Variants in FN3KRP observed in about 807,000 individuals in gnomAD.
FN3KRP encodes fructosamine 3 kinase related protein.
FN3KRP carries 33 observed loss-of-function variants against 29.8 expected under a neutral mutation model. The ratio of observed to expected loss-of-function variants is 1.11; its 90% CI spans 0.84 to 1.48. The LOEUF is 1.48. FN3KRP is among the 40% of genes most tolerant of loss of function. The probability of loss-of-function intolerance (pLI) is 0.00; values close to 1 mark genes in which losing one functional copy is unlikely to be tolerated. For synonymous variants in FN3KRP, 157 were observed against 155.2 expected (o/e 1.01, Z -0.09); for missense variants, 430 against 402.6 (o/e 1.07, Z -0.58).
rs765267436 is a variant in FN3KRP at position 82,723,618 on chromosome 17, CAT to C, written c.468+735_468+736del. 1.6e-3 allele frequency among the ~76,000 whole-genome samples: 243 copies of C among 151,958 alleles called. 1 individual carries two copies. The highest frequency in any genetic ancestry group is 0.01 in the Middle Eastern group (3 of 294). On this transcript the variant is annotated intron_variant, in intron 4 of 5. Transcript: ENST00000269373. ...GCATGTGTATGTGCACGCATGTGTGCATATGTGTATGTGTGCACACGTGTGTG... is the reference window on the plus strand; with the variant it reads ...GCATGTGTATGTGCACGCATGTGTGCATGTGTATGTGTGCACACGTGTGTG...
rs994274869 is a variant in FN3KRP at position 82,722,505 on chromosome 17, C to T, written c.386-299C>T. Reference sequence around the variant, plus strand: ...TGAGACAGGTCCCCTGAGAGGTGCCCGCAGGCTGCCTGTCCTGTGTGTGTC... The same window carrying T: ...TGAGACAGGTCCCCTGAGAGGTGCCTGCAGGCTGCCTGTCCTGTGTGTGTC... On this transcript the variant is annotated intron_variant, in intron 3 of 5. Transcript: ENST00000269373. The T allele has an allele frequency of 6.0e-5, 20 of 331,250 alleles. No individual in the cohort carries two copies. The Middle Eastern group carries it at 2.5e-3, about 41-fold the overall frequency. The allele number at this position is 331,250 out of a possible 1,614,324, so 20.5% of individuals were successfully genotyped here.
intron 2 of FN3KRP, 114 bp downstream of exon 2, chr17:82,719,171 G>A: frequency 9.8e-7 from 1 of 1,021,780 alleles, no homozygotes; most frequent in Non-Finnish European, 1.5e-6. Flanking sequence ...TATTATCTGA[G>A]CAGGTGTGTG....
chr17:82,716,974 C>T (rs997825242), intron 1 of FN3KRP, 78 bp downstream of exon 1: 112 of 1,499,092 alleles, frequency 7.5e-5, no homozygotes, highest in Admixed American at 2.3e-4. Flanking sequence ...GGGGCGCGGC[C>T]TGGGCTTCTC....
chr17:82,726,470 T>TA lies in FN3KRP; in HGVS notation c.469-9dup, dbSNP rs1469142637. The TA allele has an allele frequency of 6.2e-7, 1 of 1,612,096 alleles. No homozygotes were observed. Among genetic ancestry groups the TA allele is most frequent in the Non-Finnish European group, 8.5e-7 (1 of 1,179,088 alleles). ...TTCCAGTGAACTGTGCTTTTGCTGTTACTGTGCAGGTGAATGACTGGCAGG... is the reference window on the plus strand; with the variant it reads ...TTCCAGTGAACTGTGCTTTTGCTGTTAACTGTGCAGGTGAATGACTGGCAGG... On this transcript the variant is annotated splice_polypyrimidine_tract_variant and intron_variant, in intron 4 of 5. Transcript: ENST00000269373.
At chr17:82,721,367 C>T (rs973299998) in intron 3 of FN3KRP, among the ~76,000 whole-genome samples, 3 of 152,098 alleles carry the variant, frequency 2.0e-5, no homozygotes, top group African/African-American at 4.8e-5. Context: ...GGATTACAGG[C>T]GTGAGCCACT....
At position 82,727,311 on chromosome 17, in the gene FN3KRP, A is replaced by G. The variant is rs76587147; in HGVS notation, c.*140A>G. On this transcript the variant is annotated 3_prime_UTR_variant, in exon 6 of 6. Transcript: ENST00000269373. ...AAGCCTTGCAAAGTATATAATATCT[A>G]AGAGGAAAGGTTTTGTCATCCCAGC... 6,002 of 766,570 alleles carry G rather than the reference A, an allele frequency of 7.8e-3. 43 individuals are homozygous for G. Among genetic ancestry groups the G allele is most frequent in the East Asian group, 0.018 (670 of 37,776 alleles). 47.5% of individuals were successfully genotyped at this position (766,570 alleles called of 1,614,324 possible). A position where few individuals can be genotyped will look rare whatever the true frequency, so the allele number is the denominator to read the frequency against.
At chr17:82,719,136 C>T in intron 2 of FN3KRP, 79 bp downstream of exon 2, 1 of 1,303,756 alleles carries the variant, frequency 7.7e-7, no homozygotes, top group Non-Finnish European at 1.1e-6. Context: ...TTATGTGTGT[C>T]TTCACACCAC....
chr17:82,726,244 G>T (rs2046836156), intron 4 of FN3KRP, among the ~76,000 whole-genome samples: 1 of 152,122 alleles, frequency 6.6e-6, no homozygotes, highest in African/African-American at 2.4e-5. Context: ...TACAGAGTGG[G>T]TCCTGAAGCA....
intron 4 of FN3KRP, among the ~76,000 whole-genome samples, chr17:82,723,745 C>T (rs2046818058): frequency 6.6e-6 from 1 of 151,182 alleles, no homozygotes; most frequent in South Asian, 2.1e-4. Context: ...CTACTCCAGT[C>T]GTGTGTGTCT....
chr17:82,722,942 G>T (rs1457300767), intron 4 of FN3KRP, 56 bp downstream of exon 4: 1 of 1,475,392 alleles, frequency 6.8e-7, no homozygotes, highest in Non-Finnish European at 9.3e-7. Context: ...TCAGACACAC[G>T]GGTTGGGGGG....
At chr17:82,718,836 T>C in intron 1 of FN3KRP, 70 bp from the exon 2 acceptor site, 1 of 1,538,346 alleles carries the variant, frequency 6.5e-7, no homozygotes, top group South Asian at 1.2e-5. Context: ...GAGGAAAACA[T>C]ATCTACAGAA....
Position 82,719,010 on chromosome 17 carries a change from C to T in FN3KRP, c.246C>T (p.Gly82=), listed in dbSNP as rs146334910. The T allele has an allele frequency of 2.1e-3, 3,406 of 1,614,154 alleles. 11 individuals carry two copies. The highest frequency in any genetic ancestry group is 2.2e-3 in the Non-Finnish European group (2,637 of 1,180,004). The change falls in exon 2 of 6, where the codon GGC becomes GGT. Residue 82 remains glycine, a synonymous_variant. Transcript: ENST00000269373. ...KPIKVLDAPG[G]GSVLVMEHMD... Reference sequence around the variant, plus strand: ...TCAAGGTTCTGGATGCCCCAGGCGGCGGGAGCGTGCTGGTGATGGAGCACA... The same window carrying T: ...TCAAGGTTCTGGATGCCCCAGGCGGTGGGAGCGTGCTGGTGATGGAGCACA...
At chr17:82,716,989 C>T (rs1177510468) in intron 1 of FN3KRP, 93 bp downstream of exon 1, 10 of 1,450,774 alleles carry the variant, frequency 6.9e-6, no homozygotes, top group African/African-American at 1.5e-5. Context: ...CTTCTCCCGC[C>T]GGAGGCCGTG....
chr17:82,717,043 C>A (rs569244448), intron 1 of FN3KRP, 147 bp downstream of exon 1: 1 of 1,053,916 alleles, frequency 9.5e-7, no homozygotes, highest in Non-Finnish European at 1.3e-6. Context: ...TGCGGGGAAC[C>A]CTTTGCGCGG....
At chr17:82,722,930 G>C in intron 4 of FN3KRP, 44 bp downstream of exon 4, 1 of 1,563,522 alleles carries the variant, frequency 6.4e-7, no homozygotes, top group South Asian at 1.1e-5. Context: ...CAGGTCAGCT[G>C]TTCAGACACA....
At chr17:82,723,504 T>C (rs954753048) in intron 4 of FN3KRP, among the ~76,000 whole-genome samples, 4 of 151,928 alleles carry the variant, frequency 2.6e-5, no homozygotes, top group African/African-American at 9.7e-5. Flanking sequence ...ACAGTGTGTG[T>C]GTGCATGTGT....
At chr17:82,719,426 C>A (rs958097739) in intron 2 of FN3KRP, among the ~76,000 whole-genome samples, 1 of 152,260 alleles carries the variant, frequency 6.6e-6, no homozygotes, top group Admixed American at 6.5e-5. Flanking sequence ...AGGGCAGAAG[C>A]AAGAGGAATC....
At chr17:82,725,726 G>C (rs962370968) in intron 4 of FN3KRP, among the ~76,000 whole-genome samples, 1 of 152,244 alleles carries the variant, frequency 6.6e-6, no homozygotes, top group East Asian at 1.9e-4. Context: ...TTATTCTACA[G>C]GCATATTTAC....
At position 82,716,769 on chromosome 17, in the gene FN3KRP, TGA is replaced by T. The variant is rs2046756800; in HGVS notation, c.16_17del (p.Arg6AlafsTer47). ...CGCGGCGGGAACATGGAGGAGCTCC[TGA>T]GGCGCGAGCTGGGCTGCAGCTCTGT... is the stretch of plus-strand genomic sequence containing the variant. On this transcript the variant is annotated frameshift_variant, in exon 1 of 6. Coordinates refer to ENST00000269373, the MANE Select transcript of FN3KRP (RefSeq NM_024619.4). LOFTEE classifies it high-confidence loss of function. 6.5e-7 allele frequency: 1 copy of T among 1,526,922 alleles called. No homozygotes were observed. The highest frequency in any genetic ancestry group is 1.4e-5 in the African/African-American group (1 of 69,156). The allele number at this position is 1,526,922 out of a possible 1,614,324, so 94.6% of individuals were successfully genotyped here.
Sources: gnomAD v4.1 joint callset for allele counts (sites outside exome capture counted in the v4.1 genomes callset) on GRCh38, gnomAD v4.1.1 for gene constraint, MANE v1.5 for transcripts, NCBI Gene and HGNC (gene_info 2026-07-23, HGNC 2026-07-21) for gene names.